Variants in ANK3 observed in about 807,000 individuals in gnomAD.
The protein encoded by ANK3 is ankyrin-3.
ANK3 carries 57 observed loss-of-function variants against 370.9 expected under a neutral mutation model. The observed-to-expected ratio is 0.15, with a 90% CI of 0.12 to 0.19. ANK3 has a LOEUF of 0.19. ANK3 is among the 10% of genes least tolerant of loss of function. The probability of loss-of-function intolerance (pLI) is 1.00; values close to 1 mark genes in which losing one functional copy is unlikely to be tolerated. For synonymous variants in ANK3, 1,929 were observed against 1,946.3 expected, an observed-to-expected ratio of 0.99 and a Z score of 0.23; for missense variants, 4,439 against 5,302.1, an observed-to-expected ratio of 0.84 and a Z score of 5.06.
chr10:60,658,099 G>T (rs1200163009), intron 1 of ANK3, among the ~76,000 whole-genome samples: 1 of 146,432 alleles, frequency 6.8e-6, no homozygotes, highest in Admixed American at 6.8e-5. Context: ...TATTAAAAAT[G>T]CATCTTTGGT....
At chr10:60,554,905 CT>C (rs372023424) in intron 2 of ANK3, among the ~76,000 whole-genome samples, 4 of 152,170 alleles carry the variant, frequency 2.6e-5, no homozygotes, top group African/African-American at 9.6e-5. Flanking sequence ...CTAAAAGAGA[CT>C]TAGGGAAAAA....
upstream of ANK3, among the ~76,000 whole-genome samples, chr10:60,390,552 C>T: frequency 6.6e-6 from 1 of 152,082 alleles, no homozygotes; most frequent in East Asian, 1.9e-4. Context: ...AGTGAAGCAG[C>T]AGCAGTGCTC....
rs978574473 is a variant in ANK3, at chr10:60,708,341, A to C, written c.57+24922T>G. On this transcript the variant is annotated intron_variant, in intron 1 of 43. Coordinates refer to the ANK3 transcript ENST00000373827. The stretch of plus-strand genomic sequence containing the variant: ...ATTCAATGCATTCCATGTTTTTGGA[A>C]TGTCACAGGTACAACACCAAAGGTG... 3.9e-5 allele frequency among the ~76,000 whole-genome samples: 6 copies of C among 152,338 alleles called. No homozygotes were observed. The South Asian group carries it at 1.2e-3, about 32-fold the overall frequency.
At chr10:60,628,503 A>G (rs2078439809) in intron 1 of ANK3, among the ~76,000 whole-genome samples, 1 of 152,202 alleles carries the variant, frequency 6.6e-6, no homozygotes, top group Non-Finnish European at 1.5e-5. Context: ...TTATGACCCT[A>G]TGATTCTGTG....
At chr10:60,135,947 A>T (rs907963257) in intron 24 of ANK3, among the ~76,000 whole-genome samples, 4 of 151,822 alleles carry the variant, frequency 2.6e-5, no homozygotes, top group Non-Finnish European at 5.9e-5. Context: ...TTCTGCAGTC[A>T]TTATTTAATG....
intron 1 of ANK3, among the ~76,000 whole-genome samples, chr10:60,629,830 TAC>T (rs2078458867): frequency 5.9e-5 from 9 of 152,190 alleles, no homozygotes; most frequent in Admixed American, 5.2e-4. Context: ...TTTTTTTAAA[TAC>T]AGACTCATAC....
At chr10:60,455,323 A>G (rs2064719386) in intron 2 of ANK3, among the ~76,000 whole-genome samples, 1 of 152,200 alleles carries the variant, frequency 6.6e-6, no homozygotes, top group South Asian at 2.1e-4. Flanking sequence ...TGATTAATAC[A>G]GATGACTAAT....
At chr10:60,700,773 A>G (rs2079535498) in intron 1 of ANK3, among the ~76,000 whole-genome samples, 1 of 152,186 alleles carries the variant, frequency 6.6e-6, no homozygotes, top group Non-Finnish European at 1.5e-5. Flanking sequence ...TTCTTATCAT[A>G]TACTAAGATA....
intron 10 of ANK3, among the ~76,000 whole-genome samples, chr10:60,206,671 G>A (rs1462020603): frequency 1.3e-5 from 2 of 152,162 alleles, no homozygotes; most frequent in African/African-American, 2.4e-5. Context: ...TCAAGTAGGT[G>A]TTTACTCCAA....
chr10:60,070,742 T>A lies in ANK3; in HGVS notation c.10139A>T (p.Asn3380Ile), dbSNP rs1183447723. The change falls in exon 37 of 44, where the codon AAT (asparagine) becomes ATT (isoleucine). Residue 3380 changes from asparagine (N) to isoleucine (I), a missense_variant. Transcript: ENST00000280772. This position sits in a 1 kb window ranked among gnomAD's most constrained non-coding sequence, Gnocchi z 5.7. Reference protein sequence around the residue: ...EFGLGLDSPQNEIAQNGNNDQ... With the variant: ...EFGLGLDSPQIEIAQNGNNDQ... The stretch of plus-strand genomic sequence containing the variant: ...GTTGTTCCCATTCTGGGCAATTTCA[T>A]TCTGAGGTGAATCAAGGCCAAGGCC... The A allele has an allele frequency of 6.2e-7, 1 of 1,614,196 alleles. No homozygotes were observed. Among genetic ancestry groups the A allele is most frequent in the Admixed American group, 1.7e-5 (1 of 60,018 alleles).
chr10:60,060,966 C>T (rs890452605), intron 40 of ANK3, among the ~76,000 whole-genome samples: 6 of 152,090 alleles, frequency 3.9e-5, no homozygotes, highest in African/African-American at 1.4e-4. Flanking sequence ...ATTTTTCTGC[C>T]TCAGCAGAGA....
chr10:60,278,759 G>C lies in ANK3; in HGVS notation c.414+15C>G. 6.3e-7 allele frequency: 1 copy of C among 1,596,398 alleles called. No individual in the cohort carries two copies. Among genetic ancestry groups the C allele is most frequent in the Non-Finnish European group, 8.6e-7 (1 of 1,164,052 alleles). On this transcript the variant is annotated intron_variant, in intron 4 of 43. Coordinates refer to ENST00000280772, the MANE Select transcript of ANK3 (RefSeq NM_020987.5). ...ATGATAACAAAATGTCTGTGGCATG[G>C]AGTTGTAGGCTTACCTGAGATTGTG...
At chr10:60,340,927 T>C (rs1211533958) in intron 1 of ANK3, among the ~76,000 whole-genome samples, 1 of 152,146 alleles carries the variant, frequency 6.6e-6, no homozygotes, top group Non-Finnish European at 1.5e-5. Context: ...AACAGAGGCT[T>C]AAGGAGATTA....
chr10:60,051,666 T>TC lies in ANK3; in HGVS notation c.13065+3991_13065+3992insG, dbSNP rs1191938406. 5.7e-3 allele frequency: 1,591 copies of TC among 278,552 alleles called. 18 individuals are homozygous for TC. Among genetic ancestry groups the TC allele is most frequent in the African/African-American group, 0.031 (1,297 of 41,918 alleles). 17.3% of individuals were successfully genotyped at this position (278,552 alleles called of 1,614,324 possible). On this transcript the variant is annotated intron_variant, in intron 42 of 43. Coordinates refer to ENST00000280772, the MANE Select transcript of ANK3 (RefSeq NM_020987.5). ...TTACACTTACTTGATGTTTTCTTCT[T>TC]TTTTTTTTTTTTTTTTTGCCGACTA...
At chr10:60,522,905 A>C (rs1296428306) in intron 2 of ANK3, among the ~76,000 whole-genome samples, 2 of 152,122 alleles carry the variant, frequency 1.3e-5, no homozygotes, top group East Asian at 3.9e-4. Flanking sequence ...TGCTGAAATG[A>C]ATTAGAAGAC....
intron 2 of ANK3, among the ~76,000 whole-genome samples, chr10:60,427,155 T>C (rs2063906572): frequency 6.6e-6 from 1 of 152,118 alleles, no homozygotes; most frequent in African/African-American, 2.4e-5. Context: ...ATACCCAACA[T>C]TCCAATTTAG....
intron 1 of ANK3, among the ~76,000 whole-genome samples, chr10:60,693,415 G>A (rs900024425): frequency 3.3e-5 from 5 of 152,238 alleles, no homozygotes; most frequent in Non-Finnish European, 7.3e-5. Context: ...AAGGAGGCCT[G>A]CCTGCCTCTG....
At chr10:60,533,881 T>A in intron 2 of ANK3, among the ~76,000 whole-genome samples, 1 of 152,262 alleles carries the variant, frequency 6.6e-6, no homozygotes, top group South Asian at 2.1e-4. Flanking sequence ...TTTATCTTTG[T>A]AATATGGTAA....
chr10:60,687,811 C>T (rs1320682491), intron 1 of ANK3, among the ~76,000 whole-genome samples: 1 of 152,092 alleles, frequency 6.6e-6, no homozygotes, highest in Non-Finnish European at 1.5e-5. Flanking sequence ...GGTTATATAA[C>T]CTAAATGTCC....
Sources: gnomAD v4.1 joint callset for allele counts (sites outside exome capture counted in the v4.1 genomes callset) on GRCh38, gnomAD v4.1.1 for gene constraint, Gnocchi (gnomAD v3.1) non-coding constraint, MANE v1.5 for transcripts, NCBI Gene and HGNC (gene_info 2026-07-23, HGNC 2026-07-21) for gene names.